The following ABLIM1 variants were observed in gnomAD, a reference collection of about 807,000 sequenced individuals.
ABLIM1 encodes the protein actin-binding LIM protein 1.
Under a neutral mutation model 107.0 loss-of-function variants are expected in ABLIM1, and 40 were observed. The ratio of observed to expected loss-of-function variants is 0.37; its 90% CI spans 0.29 to 0.49. The LOEUF (loss-of-function observed/expected upper bound fraction) is 0.49, where lower values mean the gene tolerates loss of function less well. Ranked by LOEUF, ABLIM1 falls within the 20% of genes least tolerant of loss-of-function variation. The probability of loss-of-function intolerance (pLI) is 0.97; values close to 1 mark genes in which losing one functional copy is unlikely to be tolerated. For missense variants in ABLIM1, 857 were observed against 1,008.5 expected (o/e 0.85, Z 2.04); for synonymous variants, 357 against 357.3 (o/e 1.00, Z 0.01).
intron 6 of ABLIM1, among the ~76,000 whole-genome samples, chr10:114,521,228 C>T (rs1053770831): frequency 2.6e-5 from 4 of 152,168 alleles, no homozygotes; most frequent in African/African-American, 7.2e-5. Context: ...GTATAATCTG[C>T]GCTACCAAGA....
chr10:114,551,407 G>A (rs1486587744), intron 4 of ABLIM1, among the ~76,000 whole-genome samples: 2 of 152,188 alleles, frequency 1.3e-5, no homozygotes, highest in South Asian at 2.1e-4. Flanking sequence ...AGGCTGAAGC[G>A]GAGTTACACT....
rs2079461650 is a variant in ABLIM1, at chr10:114,655,541, G to A, written c.244+2416C>T. Reference sequence around the variant, plus strand: ...GCATCGAAGTCATTCAGAATAAAGTGTTAGCTCCAGCAGAAATCTACATGT... The same window carrying A: ...GCATCGAAGTCATTCAGAATAAAGTATTAGCTCCAGCAGAAATCTACATGT... On this transcript the variant is annotated intron_variant, in intron 1 of 22. Transcript: ENST00000533213. 2.0e-5 allele frequency among the ~76,000 whole-genome samples: 3 copies of A among 152,276 alleles called. No individual in the cohort carries two copies. In the South Asian group the frequency reaches 6.2e-4, roughly 32 times the overall value.
At chr10:114,706,393 C>T (rs970187048) in intron 1 of ABLIM1, among the ~76,000 whole-genome samples, 7 of 152,304 alleles carry the variant, frequency 4.6e-5, no homozygotes, top group East Asian at 1.9e-4. Context: ...TTGTGGAATA[C>T]GCTTATCAAT....
intron 6 of ABLIM1, among the ~76,000 whole-genome samples, chr10:114,534,037 C>T (rs756508362): frequency 6.6e-6 from 1 of 152,168 alleles, no homozygotes; most frequent in Non-Finnish European, 1.5e-5. Context: ...TCTGCTCCCC[C>T]AAGAGAAGGT....
intron 14 of ABLIM1, 65 bp downstream of exon 14, chr10:114,451,559 G>T (rs2061903714): frequency 1.4e-6 from 2 of 1,446,068 alleles, no homozygotes; most frequent in Admixed American, 3.3e-5. Flanking sequence ...CCTTTCAGAG[G>T]ACAGCAAGGA....
intron 1 of ABLIM1, among the ~76,000 whole-genome samples, chr10:114,740,627 C>G (rs545408060): frequency 1.4e-4 from 21 of 152,108 alleles, no homozygotes; most frequent in African/African-American, 4.6e-4. Flanking sequence ...GATACAGTAA[C>G]TTGAGACAGT....
At chr10:114,544,940 T>C (rs75901365) in intron 6 of ABLIM1, 65 bp downstream of exon 6, 63,886 of 1,463,806 alleles carry the variant, frequency 0.044, 2,170 homozygotes, top group African/African-American at 0.17. Flanking sequence ...GGTCCCCTCT[T>C]GTTTGTTTCT....
chr10:114,795,276 C>T, the ABLIM1 span, among the ~76,000 whole-genome samples: 3 of 152,166 alleles, frequency 2.0e-5, no homozygotes, highest in African/African-American at 7.2e-5. Flanking sequence ...AGGGAATAGG[C>T]AGAATGCAGA....
rs528402586 is a variant in ABLIM1 at position 114,748,398 on chromosome 10, G to A, written c.-213+19663C>T. On this transcript the variant is annotated intron_variant, in intron 1 of 15. Transcript: ENST00000651092. ...GAGAGCAGTTCAATTTTGCAAGTAT[G>A]CTTCTACTGTCAGACACACAGAGCC... Among the ~76,000 whole-genome samples, 3 of 152,216 alleles carry A rather than the reference G, an allele frequency of 2.0e-5. No individual in the cohort carries two copies. The East Asian group carries it at 5.8e-4, about 29-fold the overall frequency.
the ABLIM1 span, among the ~76,000 whole-genome samples, chr10:114,798,918 C>A: frequency 1.3e-5 from 2 of 152,062 alleles, no homozygotes; most frequent in African/African-American, 4.8e-5. Flanking sequence ...GCCTCAGCCT[C>A]CCAAGTAGCT....
chr10:114,633,750 G>A (rs577117223), intron 1 of ABLIM1, among the ~76,000 whole-genome samples: 1 of 152,256 alleles, frequency 6.6e-6, no homozygotes, highest in East Asian at 1.9e-4. Flanking sequence ...CAATTTTCAT[G>A]GCTAAAACTG....
chr10:114,465,235 G>A (rs1029120311), intron 12 of ABLIM1, among the ~76,000 whole-genome samples: 1 of 152,152 alleles, frequency 6.6e-6, no homozygotes, highest in Non-Finnish European at 1.5e-5. Context: ...GAACAGCCCT[G>A]AGTCCTCTTT....
intron 2 of ABLIM1, among the ~76,000 whole-genome samples, chr10:114,600,503 A>C (rs2075874145): frequency 6.6e-6 from 1 of 151,742 alleles, no homozygotes; most frequent in Non-Finnish European, 1.5e-5. Context: ...CCAGGAAAGC[A>C]CTCCCTCCTC....
intron 1 of ABLIM1, among the ~76,000 whole-genome samples, chr10:114,735,393 A>G (rs1166876381): frequency 6.6e-6 from 1 of 152,184 alleles, no homozygotes; most frequent in Non-Finnish European, 1.5e-5. Flanking sequence ...TAATTTCTGT[A>G]TGTTAGAGGG....
chr10:114,700,668 C>A (rs1480375026), intron 1 of ABLIM1, among the ~76,000 whole-genome samples: 4 of 152,010 alleles, frequency 2.6e-5, no homozygotes, highest in Non-Finnish European at 5.9e-5. Context: ...TTTGCAAAGG[C>A]CCCAGTGCAA....
At chr10:114,693,148 G>A (rs961659954) in intron 1 of ABLIM1, among the ~76,000 whole-genome samples, 2 of 152,206 alleles carry the variant, frequency 1.3e-5, no homozygotes, top group African/African-American at 2.4e-5. Context: ...ACAGAAGAAG[G>A]AGGCTGTGTT....
intron 8 of ABLIM1, among the ~76,000 whole-genome samples, chr10:114,480,277 C>T (rs2057135630): frequency 1.3e-5 from 2 of 152,116 alleles, no homozygotes; most frequent in Admixed American, 6.6e-5. Context: ...GGGTCAGAAG[C>T]CTTGTTTCTG....
At chr10:114,798,239 G>T in the ABLIM1 span, among the ~76,000 whole-genome samples, 1 of 151,990 alleles carries the variant, frequency 6.6e-6, no homozygotes, top group African/African-American at 2.4e-5. Context: ...TGGCCAACAT[G>T]GCGAAACCCC....
intron 6 of ABLIM1, among the ~76,000 whole-genome samples, chr10:114,527,659 C>CTTTT (rs10639922): frequency 8.6e-5 from 11 of 127,278 alleles, no homozygotes; most frequent in African/African-American, 1.5e-4. Flanking sequence ...CAACTCTTGT[C>CTTTT]TTTTTTTTTT....
Sources: gnomAD v4.1 joint callset for allele counts (sites outside exome capture counted in the v4.1 genomes callset) on GRCh38, gnomAD v4.1.1 for gene constraint, MANE v1.5 for transcripts, NCBI Gene and HGNC (gene_info 2026-07-23, HGNC 2026-07-21) for gene names.